EML6: variants seen among roughly 807,000 people sequenced by gnomAD.
The protein encoded by EML6 is EMAP like 6.
EML6 carries 154 observed loss-of-function variants against 240.1 expected under a neutral mutation model. The ratio of observed to expected loss-of-function variants is 0.64; its 90% CI spans 0.56 to 0.73. EML6 has a LOEUF of 0.73. Among genes scored for constraint, EML6 ranks in the 30% least tolerant of loss-of-function variants. The probability of loss-of-function intolerance (pLI) is 0.00; values close to 1 mark genes in which losing one functional copy is unlikely to be tolerated. For synonymous variants in EML6, 1,148 were observed against 899.0 expected, an observed-to-expected ratio of 1.28 and a Z score of -4.95; for missense variants, 2,964 against 2,474.6, an observed-to-expected ratio of 1.20 and a Z score of -4.20.
intron 26 of EML6, among the ~76,000 whole-genome samples, chr2:54,925,067 T>G (rs565287630): frequency 7.9e-4 from 121 of 152,298 alleles, no homozygotes; most frequent in African/African-American, 2.8e-3. Context: ...TGGGACTGTA[T>G]TTGGAGATAG....
At chr2:54,868,929 A>G (rs1671108760) in intron 14 of EML6, 1 of 428,638 alleles carries the variant, frequency 2.3e-6, no homozygotes, top group African/African-American at 2.0e-5. Flanking sequence ...TTTTTAAGAA[A>G]AAGCGCACAC....
chr2:54,822,375 C>T (rs2104118362), intron 5 of EML6, among the ~76,000 whole-genome samples: 1 of 152,244 alleles, frequency 6.6e-6, no homozygotes, highest in East Asian at 1.9e-4. Context: ...CCAGTAATTT[C>T]ATATCTTAGA....
intron 19 of EML6, 88 bp from the exon 20 acceptor site, chr2:54,894,827 T>C: frequency 1.3e-6 from 1 of 778,900 alleles, no homozygotes; most frequent in Non-Finnish European, 2.2e-6. Flanking sequence ...CCACAAAGCT[T>C]CCTTACCTGC....
chr2:54,949,499 A>T (rs1675865028), intron 29 of EML6, among the ~76,000 whole-genome samples: 1 of 152,160 alleles, frequency 6.6e-6, no homozygotes, highest in Non-Finnish European at 1.5e-5. Flanking sequence ...AAGATCACCA[A>T]GCCAGTAAGT....
intron 26 of EML6, among the ~76,000 whole-genome samples, chr2:54,919,791 ATTAG>A (rs1188807280): frequency 6.6e-6 from 1 of 152,172 alleles, no homozygotes; most frequent in Non-Finnish European, 1.5e-5. Flanking sequence ...TTATCTATAT[ATTAG>A]TCATTTCAAG....
At chr2:54,859,304 T>C (rs959980713) in intron 11 of EML6, among the ~76,000 whole-genome samples, 1 of 152,238 alleles carries the variant, frequency 6.6e-6, no homozygotes, top group Non-Finnish European at 1.5e-5. Context: ...TTCAGATGTG[T>C]CTTTAGCCAC....
chr2:54,861,101 G>T (rs1260797216), intron 12 of EML6, among the ~76,000 whole-genome samples: 2 of 152,144 alleles, frequency 1.3e-5, no homozygotes, highest in Non-Finnish European at 2.9e-5. Flanking sequence ...TTGATGGCCT[G>T]CCATCAAATG....
chr2:54,962,192 C>A (rs1024919150), intron 35 of EML6, among the ~76,000 whole-genome samples: 1 of 151,242 alleles, frequency 6.6e-6, no homozygotes, highest in Non-Finnish European at 1.5e-5. Context: ...CTCAAGCAAT[C>A]CCCAAGTTTT....
Position 54,838,574 on chromosome 2 carries a change from A to G in EML6, c.848-5473A>G, listed in dbSNP as rs560992182. 2.6e-5 allele frequency among the ~76,000 whole-genome samples: 4 copies of G among 152,366 alleles called. No homozygotes were observed. The South Asian group carries it at 8.3e-4, about 32-fold the overall frequency. ...AGGTCTGATTTGATATTCACAGACT[A>G]GATCTCCCCATGGCCAGGCTTCAGG... is the stretch of plus-strand genomic sequence containing the variant. On this transcript the variant is annotated intron_variant, in intron 7 of 41. Transcript: ENST00000356458.
intron 7 of EML6, among the ~76,000 whole-genome samples, chr2:54,843,213 A>G (rs1333965305): frequency 6.6e-6 from 1 of 152,242 alleles, no homozygotes; most frequent in Admixed American, 6.5e-5. Flanking sequence ...TTTAAAATAC[A>G]TTCTACTGTT....
At chr2:54,742,608 G>C (rs890611380) in intron 2 of EML6, among the ~76,000 whole-genome samples, 13 of 152,094 alleles carry the variant, frequency 8.5e-5, no homozygotes, top group African/African-American at 3.1e-4. Context: ...TCTGTGTCCC[G>C]GAGGCTCTTT....
At chr2:54,846,654 T>A (rs991181992) in intron 8 of EML6, among the ~76,000 whole-genome samples, 41 of 152,048 alleles carry the variant, frequency 2.7e-4, no homozygotes, top group African/African-American at 9.4e-4. Flanking sequence ...CAGCTATTTT[T>A]AAAATCTTTT....
intron 22 of EML6, among the ~76,000 whole-genome samples, chr2:54,901,811 G>A (rs1432478366): frequency 1.3e-5 from 2 of 152,220 alleles, no homozygotes; most frequent in Non-Finnish European, 2.9e-5. Flanking sequence ...TATCCCTGGG[G>A]TGTGCTTACA....
intron 22 of EML6, among the ~76,000 whole-genome samples, chr2:54,902,305 T>C (rs934473641): frequency 6.6e-6 from 1 of 152,206 alleles, no homozygotes; most frequent in Non-Finnish European, 1.5e-5. Context: ...ACCCCAGGTA[T>C]TTAAATACTC....
chr2:54,936,374 T>A (rs1426462539), intron 28 of EML6, among the ~76,000 whole-genome samples: 1 of 152,224 alleles, frequency 6.6e-6, no homozygotes, highest in Non-Finnish European at 1.5e-5. Flanking sequence ...TATTTTTAAA[T>A]GCCTCCTGTT....
Position 54,916,772 on chromosome 2 carries a change from A to G in EML6, c.3512A>G (p.Glu1171Gly). The G allele has an allele frequency of 6.6e-7, 1 of 1,521,354 alleles. No homozygotes were observed. Among genetic ancestry groups the G allele is most frequent in the African/African-American group, 1.4e-5 (1 of 72,780 alleles). The allele number at this position is 1,521,354 out of a possible 1,614,324, so 94.2% of individuals were successfully genotyped here. A position where few individuals can be genotyped will look rare whatever the true frequency, so the allele number is the denominator to read the frequency against. The part of the protein sequence containing the change: ...IIRPSEIEKI[E>G]WDTWTCVLGP... Reference sequence around the variant, plus strand: ...GTTCTTTTTCAGATCGAGAAGATAGAGTGGGACACATGGACCTGTGTCCTG... The same window carrying G: ...GTTCTTTTTCAGATCGAGAAGATAGGGTGGGACACATGGACCTGTGTCCTG... The change falls in exon 26 of 42, where the codon GAG becomes GGG. Residue 1171 changes from glutamate (E) to glycine (G), a missense_variant. Glu to Gly is a moderately conservative substitution (Grantham distance 98, BLOSUM62 -2). Transcript: ENST00000356458.
intron 2 of EML6, among the ~76,000 whole-genome samples, chr2:54,804,322 G>C (rs1670350600): frequency 1.3e-5 from 2 of 152,350 alleles, no homozygotes; most frequent in South Asian, 4.1e-4. Flanking sequence ...CTTGCTTAAA[G>C]AGAGGAGGAA....
chr2:54,847,663 C>A (rs748715285), intron 9 of EML6, 40 bp downstream of exon 9: 7 of 1,545,702 alleles, frequency 4.5e-6, no homozygotes, highest in Non-Finnish European at 6.1e-6. Flanking sequence ...GAAATGCTCT[C>A]GTGTTAAATG....
chr2:54,824,322 C>G (rs1179016556), intron 5 of EML6, among the ~76,000 whole-genome samples: 7 of 152,118 alleles, frequency 4.6e-5, no homozygotes, highest in Admixed American at 1.3e-4. Context: ...TAAGCAAATA[C>G]AAGCATTTTT....
Sources: allele counts gnomAD v4.1 joint callset (sites outside exome capture counted in the v4.1 genomes callset), GRCh38; gene constraint gnomAD v4.1.1; transcripts MANE v1.5; gene names NCBI Gene and HGNC (gene_info 2026-07-23, HGNC 2026-07-21).